NLGN1: variants seen among roughly 807,000 people sequenced by gnomAD.
NLGN1 encodes the protein neuroligin 1.
Under a neutral mutation model 65.5 loss-of-function variants are expected in NLGN1, and 12 were observed. The observed-to-expected ratio is 0.18, with a 90% CI of 0.12 to 0.30. The LOEUF (loss-of-function observed/expected upper bound fraction) is 0.30, where lower values mean the gene tolerates loss of function less well. Ranked by LOEUF, NLGN1 falls within the 10% of genes least tolerant of loss-of-function variation. The probability of loss-of-function intolerance (pLI) is 1.00; values close to 1 mark genes in which losing one functional copy is unlikely to be tolerated. For synonymous variants in NLGN1, 350 were observed against 359.5 expected (o/e 0.97, Z 0.30); for missense variants, 750 against 1,007.1 (o/e 0.74, Z 3.46).
chr3:173,655,961 G>A (rs1270723794), intron 3 of NLGN1, among the ~76,000 whole-genome samples: 1 of 152,154 alleles, frequency 6.6e-6, no homozygotes, highest in African/African-American at 2.4e-5. Flanking sequence ...ACTCCACAGA[G>A]TGGCAGTGGG....
intron 2 of NLGN1, among the ~76,000 whole-genome samples, chr3:173,491,156 C>T (rs1576948979): frequency 6.6e-6 from 1 of 151,838 alleles, no homozygotes; most frequent in Non-Finnish European, 1.5e-5. Flanking sequence ...TGAGAGAGGG[C>T]ATCCCTGTCT....
chr3:173,698,547 G>T (rs1177199039), intron 3 of NLGN1, among the ~76,000 whole-genome samples: 1 of 152,054 alleles, frequency 6.6e-6, no homozygotes, highest in Non-Finnish European at 1.5e-5. Context: ...GAGTACATTG[G>T]CCATCATATT....
At chr3:174,206,997 A>G (rs1422348978) in intron 4 of NLGN1, among the ~76,000 whole-genome samples, 3 of 152,116 alleles carry the variant, frequency 2.0e-5, no homozygotes, top group Non-Finnish European at 4.4e-5. Flanking sequence ...TACCATGGAA[A>G]CACACACATC....
chr3:173,423,397 C>G (rs1200452255), intron 1 of NLGN1, among the ~76,000 whole-genome samples: 1 of 152,108 alleles, frequency 6.6e-6, no homozygotes, highest in Non-Finnish European at 1.5e-5. Context: ...CTCAAAAGTC[C>G]AAGTCCAAAG....
intron 3 of NLGN1, chr3:173,644,630 G>A (rs1179540599): frequency 2.6e-5 from 4 of 156,698 alleles, no homozygotes; most frequent in Non-Finnish European, 5.8e-5. Context: ...CAACTCCAGC[G>A]CACTCTGCCC....
chr3:174,053,592 G>C (rs1008673792), intron 4 of NLGN1, among the ~76,000 whole-genome samples: 1 of 151,994 alleles, frequency 6.6e-6, no homozygotes, highest in African/African-American at 2.4e-5. Flanking sequence ...TAAGTAATGG[G>C]TAAAACTTAA....
intron 4 of NLGN1, among the ~76,000 whole-genome samples, chr3:173,852,740 C>T (rs989151212): frequency 3.9e-5 from 6 of 152,068 alleles, no homozygotes; most frequent in Non-Finnish European, 8.8e-5. Flanking sequence ...CCTTTTCTTT[C>T]TATACATTTT....
At chr3:173,699,684 T>C (rs1766815973) in intron 3 of NLGN1, among the ~76,000 whole-genome samples, 1 of 152,222 alleles carries the variant, frequency 6.6e-6, no homozygotes, top group African/African-American at 2.4e-5. Context: ...GTTTTCACTA[T>C]TGAAAATGGG....
At chr3:174,150,614 C>A (rs993061570) in intron 4 of NLGN1, among the ~76,000 whole-genome samples, 3 of 152,032 alleles carry the variant, frequency 2.0e-5, no homozygotes, top group Admixed American at 2.0e-4. Flanking sequence ...ACAGCATAAT[C>A]GAATAAGAAA....
chr3:173,600,165 G>A (rs1015771208), intron 2 of NLGN1, among the ~76,000 whole-genome samples: 1 of 142,252 alleles, frequency 7.0e-6, no homozygotes, highest in South Asian at 2.3e-4. Flanking sequence ...ATCTATGTAT[G>A]TGGGTATATC....
At chr3:173,817,921 A>G (rs1370086610) in intron 4 of NLGN1, among the ~76,000 whole-genome samples, 1 of 152,214 alleles carries the variant, frequency 6.6e-6, no homozygotes, top group Non-Finnish European at 1.5e-5. Flanking sequence ...GTGATTTGGA[A>G]TAAGACTACA....
intron 1 of NLGN1, among the ~76,000 whole-genome samples, chr3:173,399,360 T>A (rs1462055451): frequency 6.6e-6 from 1 of 152,212 alleles, no homozygotes. Flanking sequence ...TAAGAAAAGC[T>A]TCTTTAGTTC....
At chr3:173,547,541 C>T (rs542088716) in intron 2 of NLGN1, among the ~76,000 whole-genome samples, 2 of 152,214 alleles carry the variant, frequency 1.3e-5, no homozygotes, top group South Asian at 4.2e-4. Context: ...ATATTATATC[C>T]AGATATGCAG....
chr3:173,684,482 T>C (rs1400736487), intron 3 of NLGN1, among the ~76,000 whole-genome samples: 1 of 152,190 alleles, frequency 6.6e-6, no homozygotes, highest in East Asian at 1.9e-4. Flanking sequence ...GTAAAAGATG[T>C]CCATTGCTCT....
chr3:174,032,659 G>A (rs927961051), intron 4 of NLGN1, among the ~76,000 whole-genome samples: 1 of 152,144 alleles, frequency 6.6e-6, no homozygotes, highest in Admixed American at 6.5e-5. Flanking sequence ...TTTACCTCCA[G>A]TACCTCCACT....
rs1282145495 is a variant in NLGN1 at position 173,546,398 on chromosome 3, G to A, written c.-320-57881G>A. Among the ~76,000 whole-genome samples, 3 of 152,062 alleles carry A rather than the reference G, an allele frequency of 2.0e-5. No homozygotes were observed. The East Asian group carries it at 5.8e-4, about 29-fold the overall frequency. ...TTAATTGTCATGTTTTGTCTGTTGAGGTCCCTGATGTACATCCAATCCCTA... is the reference window on the plus strand; with the variant it reads ...TTAATTGTCATGTTTTGTCTGTTGAAGTCCCTGATGTACATCCAATCCCTA... On this transcript the variant is annotated intron_variant, in intron 2 of 6. Coordinates refer to ENST00000457714, the Ensembl canonical transcript of NLGN1.
At chr3:174,272,722 AAGAT>A (rs551020656) in intron 4 of NLGN1, among the ~76,000 whole-genome samples, 51 of 148,782 alleles carry the variant, frequency 3.4e-4, no homozygotes, top group South Asian at 3.0e-3. Flanking sequence ...GATAGATAGA[AAGAT>A]AGATAGATGA....
At chr3:173,589,568 T>C (rs1748094534) in intron 2 of NLGN1, among the ~76,000 whole-genome samples, 1 of 152,226 alleles carries the variant, frequency 6.6e-6, no homozygotes, top group African/African-American at 2.4e-5. Flanking sequence ...AGAGATTGAA[T>C]ATTGGGCAAC....
chr3:174,292,776 T>A, the NLGN1 span, among the ~76,000 whole-genome samples: 1 of 151,342 alleles, frequency 6.6e-6, no homozygotes, highest in Non-Finnish European at 1.5e-5. Context: ...GTATTAAGCA[T>A]CACAAAATTA....
Sources: gnomAD v4.1 joint callset for allele counts (sites outside exome capture counted in the v4.1 genomes callset) on GRCh38, gnomAD v4.1.1 for gene constraint, MANE v1.5 for transcripts, NCBI Gene and HGNC (gene_info 2026-07-23, HGNC 2026-07-21) for gene names.